FSTL5: variants seen among roughly 807,000 people sequenced by gnomAD.
FSTL5 encodes the protein follistatin-related protein 5.
In FSTL5, 62 loss-of-function variants were observed where a neutral mutation model predicts 89.1. The ratio of observed to expected loss-of-function variants is 0.70; its 90% confidence interval spans 0.57 to 0.86. The LOEUF (loss-of-function observed/expected upper bound fraction) is 0.86. Among genes scored for constraint, FSTL5 ranks in the 40% least tolerant of loss-of-function variants. FSTL5 has a pLI of 0.00. For missense variants in FSTL5, 1,057 were observed against 1,001.6 expected, an observed-to-expected ratio of 1.06 and a Z score of -0.75; for synonymous variants, 383 against 346.2, an observed-to-expected ratio of 1.11 and a Z score of -1.18.
At chr4:162,157,954 ATAAAG>A (rs1715515543) in intron 1 of FSTL5, among the ~76,000 whole-genome samples, 1 of 152,258 alleles carries the variant, frequency 6.6e-6, no homozygotes, top group African/African-American at 2.4e-5. Context: ...AAACAATAGA[ATAAAG>A]TATTTAATGT....
At chr4:162,022,537 G>A (rs544271146) in intron 3 of FSTL5, among the ~76,000 whole-genome samples, 3 of 152,142 alleles carry the variant, frequency 2.0e-5, no homozygotes, top group South Asian at 4.1e-4. Context: ...AAAATAAAAC[G>A]TAATGGTACC....
intron 7 of FSTL5, among the ~76,000 whole-genome samples, chr4:161,631,138 G>A (rs1382373376): frequency 6.6e-6 from 1 of 152,112 alleles, no homozygotes; most frequent in Non-Finnish European, 1.5e-5. Flanking sequence ...ATCCACTACA[G>A]CAATGTAATT....
intron 7 of FSTL5, among the ~76,000 whole-genome samples, chr4:161,611,406 C>A (rs1474506396): frequency 6.6e-6 from 1 of 151,328 alleles, no homozygotes; most frequent in East Asian, 1.9e-4. Flanking sequence ...ATGCACACAC[C>A]TAACAAATAT....
chr4:162,038,897 A>G (rs933291682), intron 2 of FSTL5, among the ~76,000 whole-genome samples: 2 of 151,890 alleles, frequency 1.3e-5, no homozygotes, highest in African/African-American at 4.8e-5. Flanking sequence ...AGTAAACATT[A>G]GACTATCAAT....
At chr4:161,898,096 A>T (rs561716121) in intron 4 of FSTL5, among the ~76,000 whole-genome samples, 84 of 148,026 alleles carry the variant, frequency 5.7e-4, no homozygotes, top group African/African-American at 9.0e-4. Context: ...ATATATATAT[A>T]TTTTATTTTA....
Position 161,943,037 on chromosome 4 carries a change from A to T in FSTL5, c.161-22385T>A, listed in dbSNP as rs540518355. ...GTATTTCTACAAACTAGTGATACATAATACAAAATGGAAATGGAATTAAGA... is the reference window on the plus strand; with the variant it reads ...GTATTTCTACAAACTAGTGATACATTATACAAAATGGAAATGGAATTAAGA... On this transcript the variant is annotated intron_variant, in intron 3 of 15. Coordinates refer to ENST00000306100, the MANE Select transcript of FSTL5 (RefSeq NM_020116.5). Among the ~76,000 whole-genome samples, 161 of 152,306 alleles carry T rather than the reference A, an allele frequency of 1.1e-3. 1 individual carries two copies. The highest frequency in any genetic ancestry group is 3.4e-3 in the Middle Eastern group (1 of 294).
At chr4:162,130,251 T>C (rs959192896) in intron 1 of FSTL5, among the ~76,000 whole-genome samples, 1 of 152,176 alleles carries the variant, frequency 6.6e-6, no homozygotes. Flanking sequence ...CCTAAACCCG[T>C]AGGTTTAGTA....
intron 6 of FSTL5, among the ~76,000 whole-genome samples, chr4:161,728,611 A>G (rs1739502173): frequency 6.6e-6 from 1 of 152,158 alleles, no homozygotes; most frequent in African/African-American, 2.4e-5. Context: ...ATGACAAAGA[A>G]GATAATCAAT....
At position 161,656,446 on chromosome 4, in the gene FSTL5, G is replaced by C. The variant is rs1372602493; in HGVS notation, c.776C>G (p.Ala259Gly). The part of the protein sequence containing the change: ...LPEDQKLSIT[A>G]ATVGQSAVLS... ...AACAGCACTTTGTCCCACAGTTGCT[G>C]CAGTGATGCTTAGTTTCTGATCTTC... The change falls in exon 7 of 16, where the codon GCA (alanine) becomes GGA (glycine). Residue 259 changes from alanine to glycine, a missense_variant. Physicochemically the swap from Ala to Gly is moderately conservative, Grantham distance 60. Transcript: ENST00000306100. 2 of 1,606,748 alleles carry C rather than the reference G, an allele frequency of 1.2e-6. No individual in the cohort carries two copies. Among genetic ancestry groups the C allele is most frequent in the Non-Finnish European group, 1.7e-6 (2 of 1,176,684 alleles).
chr4:161,622,494 C>T (rs1421517099), intron 7 of FSTL5, among the ~76,000 whole-genome samples: 1 of 151,788 alleles, frequency 6.6e-6, no homozygotes, highest in Non-Finnish European at 1.5e-5. Flanking sequence ...TAATAAAATA[C>T]TAGCAATTGA....
intron 2 of FSTL5, among the ~76,000 whole-genome samples, chr4:162,091,008 CCTT>C (rs1278100474): frequency 2.0e-5 from 3 of 152,088 alleles, no homozygotes; most frequent in African/African-American, 7.2e-5. Flanking sequence ...ACTGCCTCTG[CCTT>C]CTTCTTCTAT....
intron 15 of FSTL5, among the ~76,000 whole-genome samples, chr4:161,397,890 A>G (rs1405371716): frequency 6.6e-6 from 1 of 152,020 alleles, no homozygotes; most frequent in South Asian, 2.1e-4. Context: ...TTAATGATCT[A>G]TAAACATCAG....
At chr4:161,646,169 T>G (rs1578992522) in intron 7 of FSTL5, among the ~76,000 whole-genome samples, 1 of 147,832 alleles carries the variant, frequency 6.8e-6, no homozygotes, top group East Asian at 1.9e-4. Context: ...ATATATAATA[T>G]ATATATAATA....
At chr4:161,872,427 A>G (rs1014042712) in intron 4 of FSTL5, among the ~76,000 whole-genome samples, 1 of 152,150 alleles carries the variant, frequency 6.6e-6, no homozygotes. Context: ...AAAAATGCCT[A>G]ATGGTCTTCT....
chr4:161,871,032 A>T (rs1253318407), intron 4 of FSTL5, among the ~76,000 whole-genome samples: 2 of 152,136 alleles, frequency 1.3e-5, no homozygotes, highest in African/African-American at 4.8e-5. Flanking sequence ...AACACATACT[A>T]CTTTCATAAT....
intron 3 of FSTL5, among the ~76,000 whole-genome samples, chr4:161,930,103 T>C (rs1021237436): frequency 6.6e-6 from 1 of 151,812 alleles, no homozygotes; most frequent in African/African-American, 2.4e-5. Context: ...ATCAGTGATG[T>C]AGTGATTAGT....
intron 4 of FSTL5, among the ~76,000 whole-genome samples, chr4:161,782,678 A>T (rs892780035): frequency 3.3e-5 from 5 of 152,268 alleles, no homozygotes; most frequent in African/African-American, 1.2e-4. Context: ...ATCTTACTGG[A>T]AATAAAAGGG....
intron 9 of FSTL5, among the ~76,000 whole-genome samples, chr4:161,541,544 G>A (rs1252068336): frequency 6.6e-6 from 1 of 151,890 alleles, no homozygotes; most frequent in East Asian, 1.9e-4. Flanking sequence ...TGATTTCTAG[G>A]ATTAAAGTTT....
intron 15 of FSTL5, among the ~76,000 whole-genome samples, chr4:161,432,720 T>C (rs953473540): frequency 6.6e-6 from 1 of 151,576 alleles, no homozygotes; most frequent in Non-Finnish European, 1.5e-5. Context: ...CTCAAATAAA[T>C]ACAATCAGAG....
Sources: allele counts gnomAD v4.1 joint callset (sites outside exome capture counted in the v4.1 genomes callset), GRCh38; gene constraint gnomAD v4.1.1; transcripts MANE v1.5; gene names NCBI Gene and HGNC (gene_info 2026-07-23, HGNC 2026-07-21).